The following ARHGEF10L variants were observed in gnomAD, a reference collection of about 807,000 sequenced individuals.
The protein encoded by ARHGEF10L is rho guanine nucleotide exchange factor 10-like protein.
A neutral mutation model predicts 141.2 loss-of-function variants in ARHGEF10L; 69 were observed. That is an observed-to-expected ratio of 0.49 (90% CI 0.40 to 0.60). The LOEUF (loss-of-function observed/expected upper bound fraction) is 0.60, where lower values mean the gene tolerates loss of function less well. Among genes scored for constraint, ARHGEF10L ranks in the 20% least tolerant of loss-of-function variants. The pLI is 0.00. For synonymous variants in ARHGEF10L, 711 were observed against 718.5 expected, an observed-to-expected ratio of 0.99 and a Z score of 0.17; for missense variants, 1,482 against 1,734.3, an observed-to-expected ratio of 0.85 and a Z score of 2.58.
Position 17,644,785 on chromosome 1 carries a change from G to A in ARHGEF10L, c.2273-3769G>A, listed in dbSNP as rs558151977. ...GGGCTCAGCTGCCCTCAGTAATAGCGACAGTCAGACCATGAGCAGCGAGGA... is the reference window on the plus strand; with the variant it reads ...GGGCTCAGCTGCCCTCAGTAATAGCAACAGTCAGACCATGAGCAGCGAGGA... On this transcript the variant is annotated intron_variant, in intron 21 of 28. Transcript: ENST00000361221. The surrounding 1 kb of genome is among the most constrained non-coding windows in gnomAD (Gnocchi z 4.5). 1.5e-4 allele frequency among the ~76,000 whole-genome samples: 23 copies of A among 152,292 alleles called. No homozygotes were observed. The highest frequency in any genetic ancestry group is 5.1e-4 in the African/African-American group (21 of 41,552).
At position 17,558,705 on chromosome 1, in the gene ARHGEF10L, C is replaced by T. The variant is rs988675832; in HGVS notation, c.-44+18755C>T. On this transcript the variant is annotated intron_variant, in intron 1 of 28. Coordinates refer to ENST00000361221, the MANE Select transcript of ARHGEF10L (RefSeq NM_018125.4). This position sits in a 1 kb window ranked among gnomAD's most constrained non-coding sequence, Gnocchi z 4.2. ...CTCTTTGGTTTTGCAAGTGGTCCCA[C>T]GAGGTCTGGGCCTCAGTAGATGCTT... Among the ~76,000 whole-genome samples the T allele has an allele frequency of 3.9e-5, 6 of 152,196 alleles. No individual in the cohort carries two copies. Among genetic ancestry groups the T allele is most frequent in the Non-Finnish European group, 8.8e-5 (6 of 68,040 alleles).
At chr1:17,650,412 T>C (rs1263437956) in intron 22 of ARHGEF10L, among the ~76,000 whole-genome samples, 1 of 151,956 alleles carries the variant, frequency 6.6e-6, no homozygotes, top group Admixed American at 6.6e-5. Flanking sequence ...AGACCCTGTC[T>C]CAAATAAATA....
intron 26 of ARHGEF10L, among the ~76,000 whole-genome samples, chr1:17,679,905 CTG>C (rs1488210488): frequency 6.6e-6 from 1 of 152,162 alleles, no homozygotes; most frequent in Non-Finnish European, 1.5e-5. Flanking sequence ...GGGCCCACGA[CTG>C]TGTCTCCCAG....
chr1:17,517,580 T>C, the ARHGEF10L span, among the ~76,000 whole-genome samples: 8 of 152,318 alleles, frequency 5.3e-5, no homozygotes, highest in Non-Finnish European at 1.0e-4. Context: ...CCCAAAGTGC[T>C]AAGATTATAG....
intron 1 of ARHGEF10L, among the ~76,000 whole-genome samples, chr1:17,546,177 T>G (rs1392563081): frequency 6.6e-6 from 1 of 152,166 alleles, no homozygotes; most frequent in East Asian, 1.9e-4. Context: ...TCTTGGTAGT[T>G]TCCTGCTGTC....
intron 27 of ARHGEF10L, among the ~76,000 whole-genome samples, chr1:17,688,242 G>T (rs2102512182): frequency 6.6e-6 from 1 of 152,360 alleles, no homozygotes; most frequent in Non-Finnish European, 1.5e-5. Flanking sequence ...GATGGCATCT[G>T]CTGTGGCTGG....
At chr1:17,595,308 C>T (rs1188281644) in intron 4 of ARHGEF10L, among the ~76,000 whole-genome samples, 2 of 148,392 alleles carry the variant, frequency 1.3e-5, no homozygotes, top group Non-Finnish European at 3.0e-5. Context: ...CAACAACCCA[C>T]ATGGCTCTCG....
At chr1:17,587,898 C>G (rs1226432667) in intron 3 of ARHGEF10L, among the ~76,000 whole-genome samples, 1 of 152,264 alleles carries the variant, frequency 6.6e-6, no homozygotes, top group Admixed American at 6.5e-5. Context: ...GCTTTGGAGA[C>G]AGTTGCTGCC....
chr1:17,687,971 G>A (rs1453788371), intron 27 of ARHGEF10L, among the ~76,000 whole-genome samples: 1 of 152,212 alleles, frequency 6.6e-6, no homozygotes, highest in Admixed American at 6.5e-5. Flanking sequence ...CATCACAGCA[G>A]CCTGGGGCGC....
At chr1:17,598,732 TGAGCCTCTGAGTGTGCCGA>T (rs2080351962) in intron 4 of ARHGEF10L, among the ~76,000 whole-genome samples, 1 of 151,184 alleles carries the variant, frequency 6.6e-6, no homozygotes, top group African/African-American at 2.4e-5. Flanking sequence ...GACTTGAACT[TGAGCCTCTGAGTGTGCCGA>T]GGGCTACTGC....
In ARHGEF10L at chr1:17,577,620, C is replaced by T. The variant is rs1446633271; in HGVS notation, c.-43-2933C>T. Among the ~76,000 whole-genome samples, 9 of 152,320 alleles carry T rather than the reference C, an allele frequency of 5.9e-5. No individual in the cohort carries two copies. In the South Asian group the frequency reaches 8.3e-4, roughly 14 times the overall value. ...GGTATGGGCAGGGCTTGCTGGGCTG[C>T]GTCCTCGTCCCGACACTTCAGAGCC... On this transcript the variant is annotated intron_variant, in intron 1 of 28. Coordinates refer to ENST00000361221, the MANE Select transcript of ARHGEF10L (RefSeq NM_018125.4).
Position 17,619,256 on chromosome 1 carries a change from TA to T in ARHGEF10L, c.836-82del, listed in dbSNP as rs1387762605. On this transcript the variant is annotated intron_variant, in intron 9 of 28. Transcript: ENST00000361221. The surrounding 1 kb of genome is among the most constrained non-coding windows in gnomAD (Gnocchi z 5.0). ...CTAGGACCTGGGTCCAAGGCTGGTCTAGGGGGGCTCTCAGCTCCTGAGGCCT... is the reference window on the plus strand; with the variant it reads ...CTAGGACCTGGGTCCAAGGCTGGTCTGGGGGGCTCTCAGCTCCTGAGGCCT... 7.5e-5 allele frequency: 104 copies of T among 1,388,112 alleles called. No homozygotes were observed. The Middle Eastern group carries it at 8.9e-4, about 12-fold the overall frequency. The allele number at this position is 1,388,112 out of a possible 1,614,324, so 86.0% of individuals were successfully genotyped here. A position where few individuals can be genotyped will look rare whatever the true frequency, so the allele number is the denominator to read the frequency against.
chr1:17,671,110 A>G (rs1571423084), intron 26 of ARHGEF10L, among the ~76,000 whole-genome samples: 1 of 152,262 alleles, frequency 6.6e-6, no homozygotes, highest in East Asian at 1.9e-4. Context: ...AGTGAGTCCC[A>G]GGGCCGGGCA....
At position 17,644,756 on chromosome 1, in the gene ARHGEF10L, C is replaced by A. The variant is rs963876685; in HGVS notation, c.2273-3798C>A. ...GGCTGGAGAAGCAGGGCTGGGCCCG[C>A]GGTGGGCTCAGCTGCCCTCAGTAAT... On this transcript the variant is annotated intron_variant, in intron 21 of 28. Transcript: ENST00000361221. This position sits in a 1 kb window ranked among gnomAD's most constrained non-coding sequence, Gnocchi z 4.5. 6.6e-6 allele frequency among the ~76,000 whole-genome samples: 1 copy of A among 152,188 alleles called. No homozygotes were observed. The highest frequency in any genetic ancestry group is 2.4e-5 in the African/African-American group (1 of 41,440).
intron 7 of ARHGEF10L, 68 bp downstream of exon 7, chr1:17,608,045 GAGGGAGCTGGGT>G (rs2081339472): frequency 3.6e-6 from 1 of 281,540 alleles, no homozygotes; most frequent in South Asian, 2.8e-5. Context: ...GGGAGGGAGG[GAGGGAGCTGGGT>G]AGTGAGGGCC....
chr1:17,671,443 C>T (rs2063318044), intron 26 of ARHGEF10L, among the ~76,000 whole-genome samples: 1 of 152,182 alleles, frequency 6.6e-6, no homozygotes, highest in Non-Finnish European at 1.5e-5. Flanking sequence ...AACAGTGTCA[C>T]TCAAGGGTGA....
chr1:17,530,546 C>T, the ARHGEF10L span, among the ~76,000 whole-genome samples: 2 of 152,100 alleles, frequency 1.3e-5, no homozygotes, highest in East Asian at 1.9e-4. Flanking sequence ...TGAGCCAGTA[C>T]TGTGGGATTG....
chr1:17,571,858 A>G (rs1206365128), intron 1 of ARHGEF10L, among the ~76,000 whole-genome samples: 2 of 151,998 alleles, frequency 1.3e-5, no homozygotes, highest in East Asian at 1.9e-4. Flanking sequence ...GCTGGGAAGG[A>G]TCCAGTAGAG....
chr1:17,660,450 C>A (rs1489587359), intron 25 of ARHGEF10L, among the ~76,000 whole-genome samples: 2 of 152,212 alleles, frequency 1.3e-5, no homozygotes, highest in African/African-American at 4.8e-5. Flanking sequence ...CATGGCAATT[C>A]CCACGAGTGC....
Sources: allele counts gnomAD v4.1 joint callset (sites outside exome capture counted in the v4.1 genomes callset), GRCh38; gene constraint gnomAD v4.1.1; non-coding constraint Gnocchi (gnomAD v3.1); transcripts MANE v1.5; gene names NCBI Gene and HGNC (gene_info 2026-07-23, HGNC 2026-07-21).